DOCK8: variants seen among roughly 807,000 people sequenced by gnomAD.
DOCK8 encodes dedicator of cytokinesis 8, also known as dedicator of cytokinesis protein 8.
Under a neutral mutation model 245.6 loss-of-function variants are expected in DOCK8, and 141 were observed. The ratio of observed to expected loss-of-function variants is 0.57; its 90% CI spans 0.50 to 0.66. DOCK8 has a LOEUF of 0.66. Ranked by LOEUF, DOCK8 falls within the 30% of genes least tolerant of loss-of-function variation. DOCK8 has a pLI of 0.00. For synonymous variants in DOCK8, 1,168 were observed against 970.2 expected (o/e 1.20, Z -3.79); for missense variants, 2,965 against 2,603.4 (o/e 1.14, Z -3.02).
chr9:322,987 G>A (rs1449951737), intron 7 of DOCK8, among the ~76,000 whole-genome samples: 3 of 151,776 alleles, frequency 2.0e-5, no homozygotes, highest in African/African-American at 7.3e-5. Flanking sequence ...CAGCTGCTAG[G>A]GAGGCTGAGG....
At chr9:276,068 T>A (rs943457038) in intron 2 of DOCK8, among the ~76,000 whole-genome samples, 1 of 151,392 alleles carries the variant, frequency 6.6e-6, no homozygotes, top group Admixed American at 6.6e-5. Context: ...TTTTTGTATT[T>A]TTAGTAAAGA....
intron 24 of DOCK8, among the ~76,000 whole-genome samples, chr9:392,243 A>G (rs904682131): frequency 3.3e-5 from 5 of 152,186 alleles, no homozygotes; most frequent in Non-Finnish European, 7.4e-5. Context: ...AGAAATGCTG[A>G]ACAATAGGAC....
Position 372,228 on chromosome 9 carries a change from A to C in DOCK8, c.2051A>C (p.Tyr684Ser). Residue 684 changes from tyrosine (Y) to serine (S), a missense_variant, in exon 18 of 48, where the codon TAC becomes TCC. Physicochemically the swap from Tyr to Ser is moderately radical, Grantham distance 144 (BLOSUM62 -2). Coordinates refer to ENST00000432829, the MANE Select transcript of DOCK8 (RefSeq NM_203447.4). ...LLNERLQTGS[Y>S]CLPVALEKLP... ...AATGAACGTCTTCAAACTGGATCCT[A>C]CTGTCTCCCAGTTGCCTTGGAAAAA... is the stretch of plus-strand genomic sequence containing the variant. The C allele has an allele frequency of 6.2e-7, 1 of 1,614,140 alleles. No individual in the cohort carries two copies. The highest frequency in any genetic ancestry group is 8.5e-7 in the Non-Finnish European group (1 of 1,180,004).
intron 22 of DOCK8, among the ~76,000 whole-genome samples, chr9:384,708 A>G (rs1049044758): frequency 4.6e-5 from 7 of 152,144 alleles, no homozygotes; most frequent in Non-Finnish European, 1.0e-4. Flanking sequence ...CGAGGTCAGG[A>G]GATCGAGACC....
intron 18 of DOCK8, among the ~76,000 whole-genome samples, chr9:374,619 G>A (rs1586834177): frequency 8.7e-6 from 1 of 114,534 alleles, no homozygotes; most frequent in South Asian, 3.1e-4. Context: ...GCACCACCAC[G>A]CCCAGCTAAT....
At chr9:350,650 G>T (rs1304673372) in intron 14 of DOCK8, among the ~76,000 whole-genome samples, 1 of 152,166 alleles carries the variant, frequency 6.6e-6, no homozygotes, top group African/African-American at 2.4e-5. Flanking sequence ...TTCCTCTTTT[G>T]TAAAGAACAA....
chr9:451,682 T>C (rs1456177018), intron 45 of DOCK8, among the ~76,000 whole-genome samples: 1 of 151,674 alleles, frequency 6.6e-6, no homozygotes, highest in Non-Finnish European at 1.5e-5. Flanking sequence ...TGAGTGTTCC[T>C]CTAAAACTTC....
intron 1 of DOCK8, among the ~76,000 whole-genome samples, chr9:269,736 T>G (rs111586650): frequency 0.12 from 18,587 of 151,892 alleles, 1,486 homozygotes; most frequent in East Asian, 0.39. Context: ...TTTTGTATTT[T>G]TAGTAGAGAT....
intron 24 of DOCK8, among the ~76,000 whole-genome samples, chr9:392,137 TA>T (rs79584385): frequency 0.016 from 1,985 of 124,602 alleles, 19 homozygotes; most frequent in African/African-American, 0.039. Context: ...AAACTCCATC[TA>T]AAAAAAAAAA....
chr9:433,886 T>G lies in DOCK8; in HGVS notation c.4797T>G (p.Leu1599=). Residue 1599 remains leucine, a synonymous_variant, in exon 38 of 48, where the codon CTT becomes CTG. Coordinates refer to ENST00000432829, the MANE Select transcript of DOCK8 (RefSeq NM_203447.4). The stretch of plus-strand genomic sequence containing the variant: ...TACACTTTTTGCAGGTGGAGGAACT[T>G]CTCTGTAATCTGAATAGCATCTTAT... The part of the protein sequence containing the change: ...MTPFPTQVEE[L]LCNLNSILYD... The G allele has an allele frequency of 6.2e-7, 1 of 1,614,014 alleles. No homozygotes were observed.
chr9:311,292 A>G (rs1390487084), intron 5 of DOCK8, among the ~76,000 whole-genome samples: 3 of 151,736 alleles, frequency 2.0e-5, no homozygotes, highest in Admixed American at 2.0e-4. Flanking sequence ...CTTTAAAAAA[A>G]AAAAAAAGGT....
chr9:407,042 C>T lies in DOCK8; in HGVS notation c.3503C>T (p.Ala1168Val), dbSNP rs2055462224. The change falls in exon 28 of 48, where the codon GCT (alanine) becomes GTT (valine). Residue 1168 changes from alanine (A) to valine (V), a missense_variant. Ala to Val is a moderately conservative substitution (Grantham distance 64). Transcript: ENST00000432829. ...ACCGGGCTCCTCTTCACAGAACTGGCTGCTGCCCTGGATGCCGAAGGGGAA... is the reference window on the plus strand; with the variant it reads ...ACCGGGCTCCTCTTCACAGAACTGGTTGCTGCCCTGGATGCCGAAGGGGAA... ...FLTGLLFTEL[A>V]AALDAEGEGI... The T allele has an allele frequency of 6.2e-7, 1 of 1,614,138 alleles. No homozygotes were observed. Among genetic ancestry groups the T allele is most frequent in the South Asian group, 1.1e-5 (1 of 91,080 alleles).
chr9:221,122 G>A (rs1428702684), intron 1 of DOCK8, among the ~76,000 whole-genome samples: 2 of 152,166 alleles, frequency 1.3e-5, no homozygotes, highest in African/African-American at 4.8e-5. Flanking sequence ...AAGTATATAT[G>A]AACACATGTC....
chr9:256,641 G>A (rs1326492001), intron 1 of DOCK8, among the ~76,000 whole-genome samples: 1 of 152,016 alleles, frequency 6.6e-6, no homozygotes, highest in African/African-American at 2.4e-5. Flanking sequence ...CCTCATTCTG[G>A]TCATCTCCTC....
Position 429,697 on chromosome 9 carries a change from C to T in DOCK8, c.4474-5C>T, listed in dbSNP as rs988045835. On this transcript the variant is annotated splice_region_variant and splice_polypyrimidine_tract_variant and intron_variant, in intron 35 of 47. Coordinates refer to ENST00000432829, the MANE Select transcript of DOCK8 (RefSeq NM_203447.4). Reference sequence around the variant, plus strand: ...ATGCCTAATGGCCCTTTATGTCTCTCCTAGTTTGGAGACTTACTCTTTGAA... The same window carrying T: ...ATGCCTAATGGCCCTTTATGTCTCTTCTAGTTTGGAGACTTACTCTTTGAA... 1 of 1,614,148 alleles carries T rather than the reference C, an allele frequency of 6.2e-7. No homozygotes were observed. Among genetic ancestry groups the T allele is most frequent in the South Asian group, 1.1e-5 (1 of 91,080 alleles).
rs115435967 is a variant in DOCK8, at chr9:393,224, G to T, written c.2970+2658G>T. Reference sequence around the variant, plus strand: ...CATTGCTTATTCTGAGTGGTTCCATGTGGCATCTTAGAGCTCTCTTTCCAA... The same window carrying T: ...CATTGCTTATTCTGAGTGGTTCCATTTGGCATCTTAGAGCTCTCTTTCCAA... On this transcript the variant is annotated intron_variant, in intron 24 of 47. Coordinates refer to ENST00000432829, the MANE Select transcript of DOCK8 (RefSeq NM_203447.4). 7.2e-3 allele frequency among the ~76,000 whole-genome samples: 1,090 copies of T among 151,394 alleles called. 15 individuals are homozygous for T. Among genetic ancestry groups the T allele is most frequent in the African/African-American group, 0.025 (1,036 of 41,280 alleles).
intron 1 of DOCK8, among the ~76,000 whole-genome samples, chr9:261,272 T>C (rs1252599944): frequency 6.6e-6 from 1 of 152,222 alleles, no homozygotes; most frequent in African/African-American, 2.4e-5. Flanking sequence ...TGTCTAAATA[T>C]TACATGTAGT....
Position 422,025 on chromosome 9 carries a change from A to G in DOCK8, c.4154-23A>G, listed in dbSNP as rs147681241. On this transcript the variant is annotated intron_variant, in intron 32 of 47. Coordinates refer to ENST00000432829, the MANE Select transcript of DOCK8 (RefSeq NM_203447.4). ...AGGGTTTCATGCTAATCAAATTCCT[A>G]TCATGCATTTCTTAACTCCTAGGGA... 159 of 1,594,156 alleles carry G rather than the reference A, an allele frequency of 1.0e-4. No individual in the cohort carries two copies. In the African/African-American group the frequency reaches 1.8e-3, roughly 18 times the overall value.
At chr9:417,403 A>G (rs1310143901) in intron 29 of DOCK8, among the ~76,000 whole-genome samples, 1 of 152,266 alleles carries the variant, frequency 6.6e-6, no homozygotes, top group African/African-American at 2.4e-5. Flanking sequence ...TGTAATGTCA[A>G]CAGGTCTAGA....
Sources: gnomAD v4.1 joint callset for allele counts (sites outside exome capture counted in the v4.1 genomes callset) on GRCh38, gnomAD v4.1.1 for gene constraint, MANE v1.5 for transcripts, NCBI Gene and HGNC (gene_info 2026-07-23, HGNC 2026-07-21) for gene names.